MGST1: variants seen among roughly 807,000 people sequenced by gnomAD.
MGST1 encodes glutathione S-transferase 12.
Under a neutral mutation model 8.9 loss-of-function variants are expected in MGST1, and 5 were observed. That is an observed-to-expected ratio of 0.56 (90% CI 0.29 to 1.19). The LOEUF is 1.19. MGST1 is among the 50% of genes most tolerant of loss of function. The pLI is 0.08. For missense variants in MGST1, 182 were observed against 187.4 expected (o/e 0.97, Z 0.17); for synonymous variants, 54 against 67.8 (o/e 0.80, Z 1.00).
intron 4 of MGST1, among the ~76,000 whole-genome samples, chr12:16,445,676 T>A (rs1941074511): frequency 6.6e-6 from 1 of 151,870 alleles, no homozygotes; most frequent in African/African-American, 2.4e-5. Context: ...GTACCTGAGG[T>A]CATTTTATTC....
At chr12:16,450,470 C>G (rs575038787) in intron 4 of MGST1, among the ~76,000 whole-genome samples, 1 of 151,894 alleles carries the variant, frequency 6.6e-6, no homozygotes. Context: ...AGTCCTAGGG[C>G]TAGAAATCAC....
In MGST1 at chr12:16,389,785, TGGCTGGGAGTGA is replaced by T. The variant is rs1156923702; in HGVS notation, n.778+6185_778+6196del. On this transcript the variant is annotated intron_variant and non_coding_transcript_variant, in intron 1 of 1. Coordinates refer to the MGST1 transcript ENST00000359720. The surrounding 1 kb of genome is among the most constrained non-coding windows in gnomAD (Gnocchi z 4.6). ...TTTTCATAGTAAGAGCTTGCAGAGG[TGGCTGGGAGTGA>T]GGCATGAGATCTCTCGGTAGAGGCA... 5.9e-5 allele frequency among the ~76,000 whole-genome samples: 9 copies of T among 151,950 alleles called. No individual in the cohort carries two copies. The highest frequency in any genetic ancestry group is 5.9e-4 in the Admixed American group (9 of 15,252).
intron 4 of MGST1, among the ~76,000 whole-genome samples, chr12:16,512,662 G>A (rs1290699542): frequency 6.6e-6 from 1 of 152,170 alleles, no homozygotes; most frequent in African/African-American, 2.4e-5. Context: ...CATAAAATCT[G>A]TTCAAGTCAG....
rs370654285 is a variant in MGST1 at position 16,354,227 on chromosome 12, T to A, written c.-22-4T>A. On this transcript the variant is annotated splice_region_variant and splice_polypyrimidine_tract_variant and intron_variant, in intron 1 of 3. Transcript: ENST00000396210. ...TTTTCCCATTTTATTTAAATCTTTT[T>A]AAGATTCCAGACCAAAATTGAAAAA... 7.7e-6 allele frequency: 12 copies of A among 1,561,720 alleles called. No homozygotes were observed. In the Middle Eastern group the frequency reaches 8.5e-4, roughly 111 times the overall value.
chr12:16,572,480 G>A (rs1276497668), intron 4 of MGST1, among the ~76,000 whole-genome samples: 2 of 148,198 alleles, frequency 1.3e-5, no homozygotes, highest in Non-Finnish European at 3.0e-5. Context: ...TCACCTTTAG[G>A]ACTTATTATT....
chr12:16,591,055 A>G (rs1321641143), downstream of MGST1, among the ~76,000 whole-genome samples: 2 of 152,072 alleles, frequency 1.3e-5, no homozygotes, highest in Non-Finnish European at 2.9e-5. This position sits in a 1 kb window ranked among gnomAD's most constrained non-coding sequence, Gnocchi z 4.1. Context: ...AAGCTTTACA[A>G]TGGTTTTCAA....
chr12:16,529,581 T>C (rs1365962270), intron 4 of MGST1, among the ~76,000 whole-genome samples: 1 of 152,064 alleles, frequency 6.6e-6, no homozygotes, highest in Non-Finnish European at 1.5e-5. Flanking sequence ...CACATCTTCC[T>C]TACTGATATA....
rs1217553520 is a variant in MGST1 at position 16,369,759 on chromosome 12, C to T, written c.222-6363C>T. On this transcript the variant is annotated intron_variant, in intron 3 of 3. Transcript: ENST00000535309. This position sits in a 1 kb window ranked among gnomAD's most constrained non-coding sequence, Gnocchi z 4.8. ...GTGTTTTACAGAAAGTTTTCTGATT[C>T]TTGCTCCAGTAGGTTAGCCTGACTG... 6.6e-6 allele frequency: 1 copy of T among 152,182 alleles called. No individual in the cohort carries two copies. The highest frequency in any genetic ancestry group is 2.4e-5 in the African/African-American group (1 of 41,432). 9.4% of individuals were successfully genotyped at this position (152,182 alleles called of 1,614,324 possible).
At chr12:16,387,767 C>A (rs536883591) in intron 1 of MGST1, among the ~76,000 whole-genome samples, 139 of 152,254 alleles carry the variant, frequency 9.1e-4, no homozygotes, top group African/African-American at 3.3e-3. Flanking sequence ...ACCTCATGAT[C>A]TGCCCGCCTT....
intron 4 of MGST1, among the ~76,000 whole-genome samples, chr12:16,558,654 C>T (rs1393287945): frequency 6.6e-6 from 1 of 152,078 alleles, no homozygotes. Context: ...AGAGTCAAGA[C>T]ATTGTAAGAT....
intron 4 of MGST1, among the ~76,000 whole-genome samples, chr12:16,498,386 A>G (rs760866057): frequency 2.0e-5 from 3 of 152,148 alleles, no homozygotes; most frequent in Non-Finnish European, 4.4e-5. Context: ...ACAGAAGAAC[A>G]TTATTACCAC....
At chr12:16,527,634 G>T (rs181929777) in intron 4 of MGST1, among the ~76,000 whole-genome samples, 2 of 152,092 alleles carry the variant, frequency 1.3e-5, no homozygotes, top group Admixed American at 6.6e-5. Flanking sequence ...TGAGGTTCTG[G>T]AATCTTCTGG....
At chr12:16,429,752 T>G (rs535153895) in intron 1 of MGST1, among the ~76,000 whole-genome samples, 1 of 152,216 alleles carries the variant, frequency 6.6e-6, no homozygotes, top group African/African-American at 2.4e-5. Flanking sequence ...TTTGCAACTT[T>G]AGCAAGTCAT....
intron 4 of MGST1, among the ~76,000 whole-genome samples, chr12:16,523,188 C>G (rs1275918585): frequency 6.6e-6 from 1 of 151,964 alleles, no homozygotes; most frequent in Non-Finnish European, 1.5e-5. Flanking sequence ...TACACCAAAC[C>G]ACTTACGGGT....
At chr12:16,522,191 G>C (rs575022289) in intron 4 of MGST1, among the ~76,000 whole-genome samples, 1 of 152,124 alleles carries the variant, frequency 6.6e-6, no homozygotes, top group African/African-American at 2.4e-5. Context: ...GGGGATTGGA[G>C]CAGAGGGCAT....
intron 4 of MGST1, among the ~76,000 whole-genome samples, chr12:16,488,498 C>G (rs1422222005): frequency 6.6e-6 from 1 of 152,152 alleles, no homozygotes; most frequent in Non-Finnish European, 1.5e-5. Context: ...GCCCACGGAA[C>G]TAAGGTAGTT....
At position 16,410,168 on chromosome 12, in the gene MGST1, G is replaced by C. The variant is rs1940730747; in HGVS notation, n.778+26564G>C. ...ATGTCACAGGGTCAAAGTGGTTATAGTGCTATGCTTACCGTCATTTCTCTT... is the reference window on the plus strand; with the variant it reads ...ATGTCACAGGGTCAAAGTGGTTATACTGCTATGCTTACCGTCATTTCTCTT... On this transcript the variant is annotated intron_variant and non_coding_transcript_variant, in intron 1 of 1. Coordinates refer to the MGST1 transcript ENST00000359720. This position sits in a 1 kb window ranked among gnomAD's most constrained non-coding sequence, Gnocchi z 4.4. Among the ~76,000 whole-genome samples, 1 of 152,124 alleles carries C rather than the reference G, an allele frequency of 6.6e-6. No homozygotes were observed. The highest frequency in any genetic ancestry group is 2.4e-5 in the African/African-American group (1 of 41,416).
At chr12:16,366,728 A>G (rs1191713150), downstream of MGST1, among the ~76,000 whole-genome samples, 2 of 151,866 alleles carry the variant, frequency 1.3e-5, no homozygotes, top group Non-Finnish European at 2.9e-5. The surrounding 1 kb of genome is among the most constrained non-coding windows in gnomAD (Gnocchi z 4.0). Flanking sequence ...ATTAGATAAC[A>G]TTGTTACTTT....
intron 4 of MGST1, among the ~76,000 whole-genome samples, chr12:16,568,732 T>G (rs1257603898): frequency 6.6e-6 from 1 of 152,258 alleles, no homozygotes; most frequent in Non-Finnish European, 1.5e-5. Context: ...CTACTTTGGC[T>G]ACTAGAAATA....
Sources: allele counts gnomAD v4.1 joint callset (sites outside exome capture counted in the v4.1 genomes callset), GRCh38; gene constraint gnomAD v4.1.1; non-coding constraint Gnocchi (gnomAD v3.1); transcripts MANE v1.5; gene names NCBI Gene and HGNC (gene_info 2026-07-23, HGNC 2026-07-21).